TTYH2: variants seen among roughly 807,000 people sequenced by gnomAD.
TTYH2 encodes tweety family member 2, also known as protein tweety homolog 2.
In TTYH2, 49 loss-of-function variants were observed where a neutral mutation model predicts 68.3. The observed-to-expected ratio is 0.72, with a 90% CI of 0.57 to 0.91. The LOEUF is 0.91. Ranked by LOEUF, TTYH2 falls within the 40% of genes least tolerant of loss-of-function variation. The pLI, the probability that TTYH2 is intolerant of heterozygous loss-of-function variation, is 0.00. For missense variants in TTYH2, 631 were observed against 700.4 expected (o/e 0.90, Z 1.12); for synonymous variants, 272 against 300.8 (o/e 0.90, Z 0.99).
chr17:74,260,386 C>G lies in TTYH2; in HGVS notation c.*177C>G, dbSNP rs545592632. 3.1e-6 allele frequency: 2 copies of G among 635,944 alleles called. No individual in the cohort carries two copies. Among genetic ancestry groups the G allele is most frequent in the East Asian group, 2.8e-5 (1 of 35,900 alleles). The allele number at this position is 635,944 out of a possible 1,614,324, so 39.4% of individuals were successfully genotyped here. On this transcript the variant is annotated 3_prime_UTR_variant, in exon 14 of 14. Coordinates refer to ENST00000269346, the MANE Select transcript of TTYH2 (RefSeq NM_032646.6). Reference sequence around the variant, plus strand: ...CCCAGGGGGTGCAGAAGACTCACCACGCGGGCCAGCCTCTCTCTTTTGCCC... The same window carrying G: ...CCCAGGGGGTGCAGAAGACTCACCAGGCGGGCCAGCCTCTCTCTTTTGCCC...
Position 74,234,647 on chromosome 17 carries a change from CTT to C in TTYH2, c.415-2639_415-2638del, listed in dbSNP as rs528709027. On this transcript the variant is annotated intron_variant, in intron 3 of 13. Transcript: ENST00000269346. ...GCATGACAAATACAAATACTGCCTT[CTT>C]TTTTTTTCCCCCTAAGGAGGAGTTT... 5.1e-3 allele frequency among the ~76,000 whole-genome samples: 779 copies of C among 151,804 alleles called. 4 individuals carry two copies. The highest frequency in any genetic ancestry group is 0.017 in the Middle Eastern group (5 of 294).
chr17:74,251,257 C>T (rs563187237), intron 10 of TTYH2, among the ~76,000 whole-genome samples: 42 of 142,888 alleles, frequency 2.9e-4, no homozygotes, highest in South Asian at 1.6e-3. Flanking sequence ...GTGGTGTGTG[C>T]GTGTGTGTGG....
chr17:74,249,510 G>C, intron 8 of TTYH2, 111 bp downstream of exon 8: 1 of 1,194,402 alleles, frequency 8.4e-7, no homozygotes, highest in South Asian at 1.3e-5. Flanking sequence ...TTGCCTCACT[G>C]TGGTCCTCTC....
rs1041057209 is a variant in TTYH2 at position 74,213,997 on chromosome 17, G to A, written c.129+281G>A. On this transcript the variant is annotated intron_variant, in intron 1 of 13. Transcript: ENST00000269346. The surrounding 1 kb of genome is among the most constrained non-coding windows in gnomAD (Gnocchi z 6.1). ...GGCGCAAGACCGCCTGCGGGGTGAG[G>A]GGCTGAACGCTGAGCGGGCAGGGCG... Among the ~76,000 whole-genome samples the A allele has an allele frequency of 2.0e-5, 3 of 151,984 alleles. No homozygotes were observed. Among genetic ancestry groups the A allele is most frequent in the East Asian group, 3.9e-4 (2 of 5,106 alleles).
At chr17:74,223,420 C>G (rs1050571830) in intron 2 of TTYH2, among the ~76,000 whole-genome samples, 30 of 152,210 alleles carry the variant, frequency 2.0e-4, no homozygotes, top group African/African-American at 6.5e-4. Flanking sequence ...GGCACTACAC[C>G]TGGGCTGAGA....
chr17:74,236,354 G>A (rs2050443004), intron 3 of TTYH2, among the ~76,000 whole-genome samples: 1 of 152,236 alleles, frequency 6.6e-6, no homozygotes, highest in Non-Finnish European at 1.5e-5. Flanking sequence ...AGAACAATTA[G>A]AAATCCTATT....
intron 6 of TTYH2, among the ~76,000 whole-genome samples, chr17:74,246,932 C>T (rs2050564141): frequency 6.6e-6 from 1 of 152,078 alleles, no homozygotes; most frequent in African/African-American, 2.4e-5. Flanking sequence ...CCTGTAATCC[C>T]AGCACTTTGG....
At chr17:74,231,590 T>G (rs1387791055) in intron 3 of TTYH2, among the ~76,000 whole-genome samples, 1 of 151,328 alleles carries the variant, frequency 6.6e-6, no homozygotes, top group African/African-American at 2.4e-5. Context: ...GGCAGGGAGA[T>G]CACTTGAGCC....
chr17:74,218,504 CTG>C (rs1225661368), intron 1 of TTYH2, among the ~76,000 whole-genome samples: 1 of 147,848 alleles, frequency 6.8e-6, no homozygotes, highest in Non-Finnish European at 1.5e-5. Context: ...GAGAGCCTGT[CTG>C]TATTTTTTTT....
rs2050236229 is a variant in TTYH2 at position 74,217,862 on chromosome 17, T to TTGAAGTCC, written c.129+4147_129+4154dup. On this transcript the variant is annotated intron_variant, in intron 1 of 13. Coordinates refer to ENST00000269346, the MANE Select transcript of TTYH2 (RefSeq NM_032646.6). The surrounding 1 kb of genome is among the most constrained non-coding windows in gnomAD (Gnocchi z 4.0). ...TGACACAGTGACAAATCAGAAATAATTGAAGTCCCTTTGATGAGGGGAGAG... is the reference window on the plus strand; with the variant it reads ...TGACACAGTGACAAATCAGAAATAATTGAAGTCCTGAAGTCCCTTTGATGAGGGGAGAG... 6.6e-6 allele frequency among the ~76,000 whole-genome samples: 1 copy of TTGAAGTCC among 152,092 alleles called. No homozygotes were observed.
At chr17:74,248,549 C>T (rs1476725652) in intron 6 of TTYH2, 46 of 1,000,734 alleles carry the variant, frequency 4.6e-5, no homozygotes, top group Non-Finnish European at 5.0e-5. Context: ...AGATTGAACA[C>T]CCGTCCCTGT....
chr17:74,228,642 C>A (rs758621178), intron 2 of TTYH2, among the ~76,000 whole-genome samples: 8 of 151,860 alleles, frequency 5.3e-5, no homozygotes, highest in Non-Finnish European at 1.2e-4. Flanking sequence ...AGAGACTGGG[C>A]TTAACAGCAA....
rs758671734 is a variant in TTYH2 at position 74,241,353 on chromosome 17, G to T, written c.636-2021G>T. Among the ~76,000 whole-genome samples the T allele has an allele frequency of 6.6e-6, 1 of 151,670 alleles. No individual in the cohort carries two copies. The highest frequency in any genetic ancestry group is 1.5e-5 in the Non-Finnish European group (1 of 67,966). ...TAGATGGTTTGCGAGGTTCCTTCCA[G>T]CTCTGAGCTAAGTCTAAGGAAACTG... On this transcript the variant is annotated intron_variant, in intron 4 of 13. Coordinates refer to ENST00000269346, the MANE Select transcript of TTYH2 (RefSeq NM_032646.6). The surrounding 1 kb of genome is among the most constrained non-coding windows in gnomAD (Gnocchi z 4.1).
chr17:74,248,561 G>A (rs913126224), intron 6 of TTYH2: 11 of 1,014,290 alleles, frequency 1.1e-5, no homozygotes, highest in Non-Finnish European at 1.2e-5. Flanking sequence ...CGTCCCTGTA[G>A]CACTTGATCA....
intron 4 of TTYH2, 36 bp from the exon 5 acceptor site, chr17:74,243,338 C>G: frequency 1.9e-6 from 3 of 1,581,760 alleles, no homozygotes; most frequent in Non-Finnish European, 2.6e-6. Flanking sequence ...GAAGTTCCAC[C>G]CTGCTGCTCC....
rs969304598 is a variant in TTYH2, at chr17:74,215,274, G to A, written c.129+1558G>A. Among the ~76,000 whole-genome samples, 1 of 151,850 alleles carries A rather than the reference G, an allele frequency of 6.6e-6. No homozygotes were observed. The highest frequency in any genetic ancestry group is 1.5e-5 in the Non-Finnish European group (1 of 68,004). ...CAGCCATAGTTTTCTCCTCTCCACT[G>A]GAGGAAATCTAAACTTTTCATTGGG... On this transcript the variant is annotated intron_variant, in intron 1 of 13. Transcript: ENST00000269346. The surrounding 1 kb of genome is among the most constrained non-coding windows in gnomAD (Gnocchi z 4.3).
At chr17:74,237,597 G>A (rs188193706) in intron 4 of TTYH2, 83 bp downstream of exon 4, 3 of 1,208,118 alleles carry the variant, frequency 2.5e-6, no homozygotes, top group Non-Finnish European at 3.5e-6. Context: ...TTGAGCTCCA[G>A]GTGGAGAAGG....
rs2050610230 is a variant in TTYH2 at position 74,250,411 on chromosome 17, C to T, written c.1116+54C>T. On this transcript the variant is annotated intron_variant, in intron 10 of 13. Transcript: ENST00000269346. ...GAGTGTGAGGGCACCCAGCAGGCCA[C>T]ACCTTCCAGAGAAAAGCCGGTAGAG... 6 of 1,472,860 alleles carry T rather than the reference C, an allele frequency of 4.1e-6. No homozygotes were observed. In the South Asian group the frequency reaches 7.1e-5, roughly 18 times the overall value. 91.2% of individuals were successfully genotyped at this position (1,472,860 alleles called of 1,614,324 possible).
chr17:74,250,538 C>G (rs1239072990), intron 10 of TTYH2, 181 bp downstream of exon 10: 2 of 596,258 alleles, frequency 3.4e-6, no homozygotes, highest in Non-Finnish European at 5.9e-6. Context: ...GGGGCTGAGA[C>G]AGGGAGACTC....
Sources: allele counts gnomAD v4.1 joint callset (sites outside exome capture counted in the v4.1 genomes callset), GRCh38; gene constraint gnomAD v4.1.1; non-coding constraint Gnocchi (gnomAD v3.1); transcripts MANE v1.5; gene names NCBI Gene and HGNC (gene_info 2026-07-23, HGNC 2026-07-21).